The following GAN variants were observed in gnomAD, a reference collection of about 807,000 sequenced individuals.
GAN encodes the protein gigaxonin.
GAN carries 48 observed loss-of-function variants against 71.3 expected under a neutral mutation model. The ratio of observed to expected loss-of-function variants is 0.67; its 90% CI spans 0.53 to 0.86. GAN has a LOEUF of 0.86. Among genes scored for constraint, GAN ranks in the 40% least tolerant of loss-of-function variants. GAN has a pLI of 0.00. For synonymous variants in GAN, 386 were observed against 276.8 expected, an observed-to-expected ratio of 1.39 and a Z score of -3.92; for missense variants, 928 against 770.1, an observed-to-expected ratio of 1.21 and a Z score of -2.43.
chr16:81,375,888 A>G (rs987147542), intron 9 of GAN, among the ~76,000 whole-genome samples: 4 of 151,334 alleles, frequency 2.6e-5, no homozygotes, highest in East Asian at 2.0e-4. Flanking sequence ...GAGGATCACT[A>G]GAGTCCAAGA....
intron 1 of GAN, among the ~76,000 whole-genome samples, chr16:81,326,558 C>G (rs1403100478): frequency 6.6e-6 from 1 of 152,150 alleles, no homozygotes; most frequent in Non-Finnish European, 1.5e-5. Flanking sequence ...ATTGAGTTGT[C>G]TGTGATATGT....
At chr16:81,375,234 G>T (rs1004796506) in intron 9 of GAN, among the ~76,000 whole-genome samples, 5 of 149,066 alleles carry the variant, frequency 3.4e-5, no homozygotes, top group African/African-American at 1.2e-4. Flanking sequence ...TATATCCACA[G>T]GATATAAAGA....
Position 81,377,629 on chromosome 16 carries a change from C to G in GAN, c.*33C>G, listed in dbSNP as rs1904286420. 1.4e-5 allele frequency: 22 copies of G among 1,575,348 alleles called. No homozygotes were observed. The highest frequency in any genetic ancestry group is 1.2e-4 in the African/African-American group (9 of 74,320). ...GCAGAGCAGAGTGCGAGATCCTGACCCAAGAGCACCATAACATAGCTCCGA... is the reference window on the plus strand; with the variant it reads ...GCAGAGCAGAGTGCGAGATCCTGACGCAAGAGCACCATAACATAGCTCCGA... On this transcript the variant is annotated 3_prime_UTR_variant, in exon 11 of 11. Coordinates refer to ENST00000648994, the MANE Select transcript of GAN (RefSeq NM_022041.4).
intron 2 of GAN, among the ~76,000 whole-genome samples, chr16:81,353,356 T>G (rs1388335216): frequency 6.6e-6 from 1 of 152,196 alleles, no homozygotes; most frequent in African/African-American, 2.4e-5. Context: ...GCAGTTTTGT[T>G]TTATTGAAAT....
chr16:81,323,904 A>G (rs1441414270), intron 1 of GAN, among the ~76,000 whole-genome samples: 1 of 152,188 alleles, frequency 6.6e-6, no homozygotes, highest in African/African-American at 2.4e-5. Flanking sequence ...GTGGAGACCT[A>G]TGTCAGTCTA....
intron 1 of GAN, among the ~76,000 whole-genome samples, chr16:81,333,618 A>C (rs1008851226): frequency 2.6e-5 from 4 of 152,230 alleles, no homozygotes; most frequent in Non-Finnish European, 5.9e-5. Context: ...GAAATGATTC[A>C]TAGCAATTCA....
chr16:81,362,620 C>T lies in GAN; in HGVS notation c.1086+9C>T. The T allele has an allele frequency of 7.5e-7, 1 of 1,325,270 alleles. No individual in the cohort carries two copies. The highest frequency in any genetic ancestry group is 1.1e-6 in the Non-Finnish European group (1 of 915,962). 82.1% of individuals were successfully genotyped at this position (1,325,270 alleles called of 1,614,324 possible). A position where few individuals can be genotyped will look rare whatever the true frequency, so the allele number is the denominator to read the frequency against. Reference sequence around the variant, plus strand: ...TGCCACCTATGAACGAGGTAAAACACTAGTTGGTTGGTTTGTTTGATGTGT... The same window carrying T: ...TGCCACCTATGAACGAGGTAAAACATTAGTTGGTTGGTTTGTTTGATGTGT... On this transcript the variant is annotated intron_variant, in intron 6 of 10. Transcript: ENST00000648994.
At chr16:81,373,966 C>G (rs145807020) in intron 9 of GAN, among the ~76,000 whole-genome samples, 1 of 152,186 alleles carries the variant, frequency 6.6e-6, no homozygotes, top group African/African-American at 2.4e-5. Flanking sequence ...TGGTCTTGAT[C>G]TCTTGACTTC....
intron 1 of GAN, among the ~76,000 whole-genome samples, chr16:81,339,107 C>A (rs1288694794): frequency 6.6e-6 from 1 of 152,152 alleles, no homozygotes; most frequent in Non-Finnish European, 1.5e-5. Flanking sequence ...AAAAACATAG[C>A]ACAGATAATT....
chr16:81,332,595 T>A lies in GAN; in HGVS notation c.167+17315T>A, dbSNP rs557921712. Among the ~76,000 whole-genome samples, 6 of 152,152 alleles carry A rather than the reference T, an allele frequency of 3.9e-5. No individual in the cohort carries two copies. The South Asian group carries it at 1.2e-3, about 32-fold the overall frequency. On this transcript the variant is annotated intron_variant, in intron 1 of 10. Coordinates refer to ENST00000648994, the MANE Select transcript of GAN (RefSeq NM_022041.4). ...TCTGTGAAGCCTCCTGTGACCACTC[T>A]CTCCCAAGAGCTGATTCTGCCTTCC...
intron 1 of GAN, among the ~76,000 whole-genome samples, chr16:81,340,488 C>G (rs1264270440): frequency 6.6e-6 from 1 of 152,204 alleles, no homozygotes; most frequent in Non-Finnish European, 1.5e-5. Flanking sequence ...GATACCCAGG[C>G]AAACAGGGTC....
chr16:81,354,397 T>G lies in GAN; in HGVS notation c.283-8T>G, dbSNP rs1351177837. The G allele has an allele frequency of 6.3e-7, 1 of 1,577,922 alleles. No homozygotes were observed. The highest frequency in any genetic ancestry group is 8.7e-7 in the Non-Finnish European group (1 of 1,146,944). ...TTCAAATATAAGATAATTATGCTAC[T>G]TTTTTAGATCAGGCTAAATGAAGAT... On this transcript the variant is annotated splice_region_variant and splice_polypyrimidine_tract_variant and intron_variant, in intron 2 of 10. Transcript: ENST00000648994.
intron 5 of GAN, among the ~76,000 whole-genome samples, chr16:81,359,506 A>G (rs765223666): frequency 6.6e-6 from 1 of 150,564 alleles, no homozygotes; most frequent in Non-Finnish European, 1.5e-5. Context: ...TCTTGTTAAT[A>G]GTCCTTTAGG....
chr16:81,322,783 A>G (rs1909261710), intron 1 of GAN, among the ~76,000 whole-genome samples: 1 of 152,222 alleles, frequency 6.6e-6, no homozygotes, highest in Non-Finnish European at 1.5e-5. Flanking sequence ...GTTTAGTATT[A>G]CTGAGCTCAA....
chr16:81,369,458 TG>T (rs1201130580), intron 9 of GAN, among the ~76,000 whole-genome samples: 3 of 152,264 alleles, frequency 2.0e-5, no homozygotes, highest in Non-Finnish European at 2.9e-5. Context: ...CGGAAAATCT[TG>T]GAAAATTTTT....
chr16:81,368,801 T>C (rs1314329993), intron 9 of GAN, among the ~76,000 whole-genome samples: 2 of 152,208 alleles, frequency 1.3e-5, no homozygotes, highest in Admixed American at 6.5e-5. Flanking sequence ...CAGTTACTTA[T>C]TTGTGGTTTT....
rs1340042926 is a variant in GAN, at chr16:81,390,346, AG to A, written c.*12751del. 1 of 152,248 alleles carries A rather than the reference AG, an allele frequency of 6.6e-6. No individual in the cohort carries two copies. The highest frequency in any genetic ancestry group is 1.5e-5 in the Non-Finnish European group (1 of 68,044). 9.4% of individuals were successfully genotyped at this position (152,248 alleles called of 1,614,324 possible). A position where few individuals can be genotyped will look rare whatever the true frequency, so the allele number is the denominator to read the frequency against. ...ATAATTTTCTGTTCACTTGCTGATA[AG>A]AAATTTAGCAGTCAGAAGTAATTTT... On this transcript the variant is annotated 3_prime_UTR_variant, in exon 11 of 11. Coordinates refer to ENST00000648994, the MANE Select transcript of GAN (RefSeq NM_022041.4).
At chr16:81,367,187 A>G (rs998726007) in intron 9 of GAN, among the ~76,000 whole-genome samples, 1 of 152,214 alleles carries the variant, frequency 6.6e-6, no homozygotes, top group South Asian at 2.1e-4. Context: ...CTTTAAGTTC[A>G]TAATAATTAA....
chr16:81,357,690 C>T, intron 4 of GAN, 120 bp from the exon 5 acceptor site: 4 of 969,454 alleles, frequency 4.1e-6, no homozygotes, highest in South Asian at 2.6e-5. Context: ...ACACTGACTT[C>T]CACAAGGGTT....
Sources: gnomAD v4.1 joint callset for allele counts (sites outside exome capture counted in the v4.1 genomes callset) on GRCh38, gnomAD v4.1.1 for gene constraint, MANE v1.5 for transcripts, NCBI Gene and HGNC (gene_info 2026-07-23, HGNC 2026-07-21) for gene names.